Variants in ABR observed in about 807,000 individuals in gnomAD.
ABR encodes ABR activator of RhoGEF and GTPase.
In ABR, 35 loss-of-function variants were observed where a neutral mutation model predicts 107.2. That is an observed-to-expected ratio of 0.33 (90% CI 0.25 to 0.43). The LOEUF (loss-of-function observed/expected upper bound fraction) is 0.43. Among genes scored for constraint, ABR ranks in the 20% least tolerant of loss-of-function variants. The pLI, the probability that ABR is intolerant of heterozygous loss-of-function variation, is 1.00. For synonymous variants in ABR, 498 were observed against 462.0 expected (o/e 1.08, Z -1.00); for missense variants, 815 against 1,115.2 (o/e 0.73, Z 3.83).
chr17:1,215,383 C>T lies in ABR; in HGVS notation c.838+13410G>A, dbSNP rs546149134. The stretch of plus-strand genomic sequence containing the variant: ...CCTGCCGAGTGCCTGCGATTGCAGG[C>T]GCGCGCTGCCATGCCTGACTGGTTT... On this transcript the variant is annotated intron_variant, in intron 1 of 22. Coordinates refer to the ABR transcript ENST00000574139. Among the ~76,000 whole-genome samples, 11 of 152,306 alleles carry T rather than the reference C, an allele frequency of 7.2e-5. No individual in the cohort carries two copies. In the South Asian group the frequency reaches 1.0e-3, roughly 14 times the overall value.
At chr17:1,089,362 A>C (rs1450401789) in intron 4 of ABR, among the ~76,000 whole-genome samples, 1 of 152,204 alleles carries the variant, frequency 6.6e-6, no homozygotes, top group Non-Finnish European at 1.5e-5. Flanking sequence ...TTAACTCCTC[A>C]AAATCACCCA....
At chr17:1,162,334 A>G (rs1009842184) in intron 1 of ABR, among the ~76,000 whole-genome samples, 2 of 152,212 alleles carry the variant, frequency 1.3e-5, no homozygotes, top group African/African-American at 2.4e-5. Flanking sequence ...AGACTCGGCA[A>G]GAACAGCTGC....
intron 2 of ABR, among the ~76,000 whole-genome samples, chr17:1,123,649 A>G (rs2039453170): frequency 6.6e-6 from 1 of 152,210 alleles, no homozygotes; most frequent in African/African-American, 2.4e-5. Flanking sequence ...ATTCCGCAGC[A>G]TCTTCCTGCA....
At position 1,157,104 on chromosome 17, in the gene ABR, G is replaced by A. The variant is rs1445976102; in HGVS notation, c.61+22563C>T. On this transcript the variant is annotated intron_variant, in intron 1 of 22. Coordinates refer to ENST00000302538, the MANE Select transcript of ABR (RefSeq NM_021962.5). This position sits in a 1 kb window ranked among gnomAD's most constrained non-coding sequence, Gnocchi z 4.7. Reference sequence around the variant, plus strand: ...GGCACTAATATTATCTCAATTTTACGGATGAGGAAACCGAAGCTCAGATAG... The same window carrying A: ...GGCACTAATATTATCTCAATTTTACAGATGAGGAAACCGAAGCTCAGATAG... 3.9e-5 allele frequency among the ~76,000 whole-genome samples: 6 copies of A among 152,190 alleles called. No homozygotes were observed. The highest frequency in any genetic ancestry group is 6.6e-5 in the Admixed American group (1 of 15,260).
At chr17:1,008,092 G>C (rs894671774) in intron 21 of ABR, among the ~76,000 whole-genome samples, 1 of 151,224 alleles carries the variant, frequency 6.6e-6, no homozygotes, top group South Asian at 2.2e-4. Context: ...ATGCCTCTCC[G>C]TCTGCCTCGT....
chr17:1,174,126 G>A (rs1405676243), intron 1 of ABR, among the ~76,000 whole-genome samples: 6 of 152,088 alleles, frequency 3.9e-5, no homozygotes, highest in African/African-American at 1.4e-4. Flanking sequence ...CCTCCTAACA[G>A]CATCTTCCAG....
chr17:1,213,307 A>G (rs11650714), intron 1 of ABR, among the ~76,000 whole-genome samples: 145,748 of 152,294 alleles, frequency 0.96, 70,060 homozygotes, highest in East Asian at 1. Flanking sequence ...ACTAAGGGGC[A>G]TCCAAAGAGC....
At chr17:1,144,725 C>G (rs958550676) in intron 1 of ABR, among the ~76,000 whole-genome samples, 42 of 151,978 alleles carry the variant, frequency 2.8e-4, no homozygotes, top group Non-Finnish European at 8.8e-5. Context: ...AGCCCCGTCT[C>G]TACTAAAAAT....
chr17:1,122,415 C>T (rs2039394683), intron 2 of ABR, among the ~76,000 whole-genome samples: 1 of 152,166 alleles, frequency 6.6e-6, no homozygotes, highest in African/African-American at 2.4e-5. Context: ...AGACTCCTCC[C>T]CAGTGTAGGT....
At chr17:1,055,988 A>G (rs371641444) in intron 14 of ABR, 47 bp downstream of exon 14, 55 of 1,561,084 alleles carry the variant, frequency 3.5e-5, no homozygotes, top group Admixed American at 1.0e-4. Flanking sequence ...AGAGCAGTGC[A>G]GAATCCACAA....
chr17:1,188,465 G>A (rs748086267), upstream of ABR, among the ~76,000 whole-genome samples: 25 of 151,594 alleles, frequency 1.6e-4, no homozygotes, highest in Non-Finnish European at 3.7e-4. Context: ...CAGGAGAATC[G>A]CTTGAACCTG....
intron 10 of ABR, among the ~76,000 whole-genome samples, chr17:1,061,391 G>T (rs1269291932): frequency 6.6e-6 from 1 of 152,190 alleles, no homozygotes; most frequent in Non-Finnish European, 1.5e-5. Flanking sequence ...CCACCAGTTG[G>T]ACCCTCTGTC....
chr17:1,038,478 C>A (rs1027957680), intron 16 of ABR, among the ~76,000 whole-genome samples: 8 of 152,182 alleles, frequency 5.3e-5, no homozygotes, highest in Non-Finnish European at 1.0e-4. Context: ...GTGGGTCAGG[C>A]GGGTGTGTCT....
chr17:1,058,061 AAGCAT>A lies in ABR; in HGVS notation c.1306-21_1306-17del. 3 of 1,610,752 alleles carry A rather than the reference AAGCAT, an allele frequency of 1.9e-6. No homozygotes were observed. In the South Asian group the frequency reaches 3.3e-5, roughly 18 times the overall value. On this transcript the variant is annotated splice_polypyrimidine_tract_variant and intron_variant, in intron 11 of 22. Transcript: ENST00000302538. ...ACAGGTAACTCTGAAGAGAGGAGAT[AAGCAT>A]AAAGTGGGTGACCACAGTCAGGCAA...
chr17:1,061,865 C>T lies in ABR; in HGVS notation c.1183-2998G>A, dbSNP rs372942361. ...CTGGGCCCTAACCACCTGTTTTCTA[C>T]GTGTCGAATATGAGGAACATGGAAC... On this transcript the variant is annotated intron_variant, in intron 10 of 22. Transcript: ENST00000302538. Among the ~76,000 whole-genome samples the T allele has an allele frequency of 3.9e-5, 6 of 152,150 alleles. No homozygotes were observed. In the East Asian group the frequency reaches 7.7e-4, roughly 20 times the overall value.
intron 16 of ABR, among the ~76,000 whole-genome samples, chr17:1,022,162 C>T (rs1302428760): frequency 1.3e-5 from 2 of 151,238 alleles, no homozygotes; most frequent in African/African-American, 2.4e-5. Context: ...GTGCAAGTGG[C>T]CCCCGGACAG....
At chr17:1,124,383 C>T (rs933989056) in intron 2 of ABR, among the ~76,000 whole-genome samples, 2 of 152,170 alleles carry the variant, frequency 1.3e-5, no homozygotes, top group East Asian at 3.9e-4. Flanking sequence ...GCACTCCCAC[C>T]GCCTCCTGCA....
chr17:1,024,365 G>A (rs935765921), intron 16 of ABR, among the ~76,000 whole-genome samples: 2 of 152,238 alleles, frequency 1.3e-5, no homozygotes, highest in African/African-American at 2.4e-5. Context: ...AACCGGCCAC[G>A]GAAGGCAGGA....
chr17:1,131,112 C>T (rs1386864855), intron 1 of ABR, among the ~76,000 whole-genome samples: 18 of 142,112 alleles, frequency 1.3e-4, no homozygotes, highest in African/African-American at 5.0e-4. Flanking sequence ...AAATGCAGTG[C>T]CTGCCACGCG....
Sources: gnomAD v4.1 joint callset for allele counts (sites outside exome capture counted in the v4.1 genomes callset) on GRCh38, gnomAD v4.1.1 for gene constraint, Gnocchi (gnomAD v3.1) non-coding constraint, MANE v1.5 for transcripts, NCBI Gene and HGNC (gene_info 2026-07-23, HGNC 2026-07-21) for gene names.